The following PCDHA4 variants were observed in gnomAD, a reference collection of about 807,000 sequenced individuals.
PCDHA4 encodes the protein protocadherin alpha 4, also known as protocadherin alpha-4.
In PCDHA4, 49 loss-of-function variants were observed where a neutral mutation model predicts 61.4. That is an observed-to-expected ratio of 0.80 (90% CI 0.63 to 1.01). PCDHA4 has a LOEUF of 1.01. Among genes scored for constraint, PCDHA4 ranks in the 50% least tolerant of loss-of-function variants. The pLI, the probability that PCDHA4 is intolerant of heterozygous loss-of-function variation, is 0.00. For synonymous variants in PCDHA4, 590 were observed against 550.3 expected (o/e 1.07, Z -1.01); for missense variants, 1,254 against 1,235.8 (o/e 1.01, Z -0.22).
chr5:140,812,086 T>G (rs1198053589), intron 1 of PCDHA4: 4 of 151,976 alleles, frequency 2.6e-5, no homozygotes, highest in African/African-American at 7.2e-5. Context: ...AAAACAATTA[T>G]CATTGATTCT....
At position 140,807,254 on chromosome 5, in the gene PCDHA4, G is replaced by T; in HGVS notation, c.67G>T (p.Ala23Ser). Residue 23 changes from alanine to serine, a missense_variant, in exon 1 of 4, where the codon GCC becomes TCC. Transcript: ENST00000530339. ...RLLLLLLLLA[A>S]WEAGNGQLHY... Reference sequence around the variant, plus strand: ...GCTGCTCTTACTTCTTCTCCTCGCAGCCTGGGAGGCAGGGAACGGTCAGCT... The same window carrying T: ...GCTGCTCTTACTTCTTCTCCTCGCATCCTGGGAGGCAGGGAACGGTCAGCT... The T allele has an allele frequency of 1.2e-6, 2 of 1,614,236 alleles. No homozygotes were observed.
Position 140,808,289 on chromosome 5 carries a change from G to C in PCDHA4, c.1102G>C (p.Val368Leu), listed in dbSNP as rs1764139078. 6.2e-7 allele frequency: 1 copy of C among 1,614,140 alleles called. No individual in the cohort carries two copies. Among genetic ancestry groups the C allele is most frequent in the Non-Finnish European group, 8.5e-7 (1 of 1,180,056 alleles). Residue 368 changes from valine (V) to leucine (L), a missense_variant, in exon 1 of 4, where the codon GTC becomes CTC. Transcript: ENST00000530339. ...TAGAGAGGACGCTCCACTGGGTACA[G>C]TCATCGCCCTGATCAGCGTGTCCGA... ...PIREDAPLGT[V>L]IALISVSDKD... is the part of the protein sequence containing the mutation.
chr5:140,854,118 C>T lies in PCDHA4; in HGVS notation c.2385+44546C>T, dbSNP rs541457983. The T allele has an allele frequency of 1.9e-3, 584 of 313,350 alleles. 14 individuals carry two copies. The highest frequency in any genetic ancestry group is 2.3e-3 in the Non-Finnish European group (544 of 232,056). 19.4% of individuals were successfully genotyped at this position (313,350 alleles called of 1,614,324 possible). A position where few individuals can be genotyped will look rare whatever the true frequency, so the allele number is the denominator to read the frequency against. ...TTGAGGCTGCAGTGAACTGTGATGG[C>T]ACAACTGCATTTCAGCCCGGGTGAC... On this transcript the variant is annotated intron_variant, in intron 1 of 3. Transcript: ENST00000530339.
chr5:140,870,823 G>A (rs971082881), intron 1 of PCDHA4: 1 of 1,613,762 alleles, frequency 6.2e-7, no homozygotes, highest in Non-Finnish European at 8.5e-7. Flanking sequence ...CAGCGCGGGA[G>A]GCGCAGTTAA....
rs1008533110 is a variant in PCDHA4 at position 140,836,734 on chromosome 5, A to G, written c.2385+27162A>G. The G allele has an allele frequency of 6.2e-7, 1 of 1,605,696 alleles. No homozygotes were observed. On this transcript the variant is annotated intron_variant, in intron 1 of 3. Transcript: ENST00000530339. ...CTTCCTCAGGGTCCATCCTCTACAG[A>G]CAATGTGAGTCATAAATAATCTTGT...
intron 1 of PCDHA4, among the ~76,000 whole-genome samples, chr5:140,887,272 AT>A (rs2061386056): frequency 6.6e-6 from 1 of 151,690 alleles, no homozygotes; most frequent in South Asian, 2.1e-4. Context: ...AATTTTTTGT[AT>A]TTTTAGTAGA....
intron 1 of PCDHA4, chr5:140,871,073 C>T (rs782763189): frequency 1.1e-5 from 18 of 1,613,090 alleles, no homozygotes; most frequent in Non-Finnish European, 1.4e-5. Context: ...GGTGAGCCGG[C>T]GCTGACGGCC....
chr5:140,846,727 C>T (rs2150394030), intron 1 of PCDHA4, among the ~76,000 whole-genome samples: 16 of 149,262 alleles, frequency 1.1e-4, no homozygotes, highest in Non-Finnish European at 1.2e-4. Context: ...CTTCATTAAA[C>T]ATTAAATAGG....
intron 1 of PCDHA4, among the ~76,000 whole-genome samples, chr5:140,943,827 A>T (rs1474835023): frequency 2.0e-5 from 3 of 152,208 alleles, no homozygotes; most frequent in Non-Finnish European, 4.4e-5. Flanking sequence ...AAATGAGTTG[A>T]TTGAAGTTGT....
chr5:140,854,522 C>T (rs1554147313), intron 1 of PCDHA4: 1 of 149,908 alleles, frequency 6.7e-6, no homozygotes. Flanking sequence ...GATTAAGTGA[C>T]ACCCATTTCT....
chr5:140,821,673 G>A (rs1767026894), intron 1 of PCDHA4: 3 of 1,306,066 alleles, frequency 2.3e-6, no homozygotes, highest in African/African-American at 3.0e-5. Context: ...AAGAAGCTCA[G>A]AAAGGCGATA....
At chr5:140,851,590 A>T in intron 1 of PCDHA4, 1 of 918,156 alleles carries the variant, frequency 1.1e-6, no homozygotes, top group Non-Finnish European at 1.3e-6. Flanking sequence ...ATTTTTTGAA[A>T]TTCAGTTTAC....
chr5:140,862,830 C>A (rs781933426), intron 1 of PCDHA4: 1 of 572,350 alleles, frequency 1.7e-6, no homozygotes, highest in South Asian at 1.4e-5. Context: ...GAGCGCGCGA[C>A]GCGGGCATGC....
chr5:140,948,017 T>TTTTCC (rs1351599974), intron 1 of PCDHA4, among the ~76,000 whole-genome samples: 1 of 151,262 alleles, frequency 6.6e-6, no homozygotes, highest in African/African-American at 2.4e-5. Flanking sequence ...GGAAGTACCC[T>TTTTCC]TTCTGGTTTG....
At chr5:140,960,208 C>T (rs1295278624) in intron 1 of PCDHA4, among the ~76,000 whole-genome samples, 2 of 151,976 alleles carry the variant, frequency 1.3e-5, no homozygotes, top group Non-Finnish European at 2.9e-5. Flanking sequence ...GATGTTATTT[C>T]AGGATCTCAA....
intron 1 of PCDHA4, among the ~76,000 whole-genome samples, chr5:140,939,247 T>C (rs1413301027): frequency 6.6e-6 from 1 of 152,246 alleles, no homozygotes; most frequent in South Asian, 2.1e-4. Context: ...GCAAGGTAGC[T>C]CTCTGGAACC....
Position 140,807,353 on chromosome 5 carries a change from C to T in PCDHA4, c.166C>T (p.Leu56=). The change falls in exon 1 of 4, where the codon CTG becomes TTG. Residue 56 remains leucine (L), a synonymous_variant. Transcript: ENST00000530339. ...GRIAQDLGLE[L]AELVPRLFRV... ...CATCGCGCAGGACCTGGGACTGGAG[C>T]TGGCGGAGCTGGTGCCGCGCCTGTT... is the stretch of plus-strand genomic sequence containing the variant. 6.2e-7 allele frequency: 1 copy of T among 1,610,912 alleles called. No individual in the cohort carries two copies. The highest frequency in any genetic ancestry group is 8.5e-7 in the Non-Finnish European group (1 of 1,179,374).
At chr5:140,876,614 C>G in intron 1 of PCDHA4, 1 of 1,614,130 alleles carries the variant, frequency 6.2e-7, no homozygotes, top group Non-Finnish European at 8.5e-7. Flanking sequence ...GACTCTGGAG[C>G]CAATGGACAG....
intron 1 of PCDHA4, among the ~76,000 whole-genome samples, chr5:140,872,848 A>T: frequency 1.3e-5 from 2 of 152,332 alleles, no homozygotes; most frequent in African/African-American, 4.8e-5. Context: ...AAATATATTA[A>T]TGTGAGTACC....
Sources: allele counts gnomAD v4.1 joint callset (sites outside exome capture counted in the v4.1 genomes callset), GRCh38; gene constraint gnomAD v4.1.1; transcripts MANE v1.5; gene names NCBI Gene and HGNC (gene_info 2026-07-23, HGNC 2026-07-21).